The following CCDC7 variants were observed in gnomAD, a reference collection of about 807,000 sequenced individuals.
CCDC7 encodes coiled-coil domain containing 7.
A neutral mutation model predicts 196.9 loss-of-function variants in CCDC7; 183 were observed. The observed-to-expected ratio is 0.93, with a 90% CI of 0.82 to 1.05. The LOEUF (loss-of-function observed/expected upper bound fraction) is 1.05. Ranked by LOEUF, CCDC7 falls within the 50% of genes least tolerant of loss-of-function variation. The pLI, the probability that CCDC7 is intolerant of heterozygous loss-of-function variation, is 0.00. For synonymous variants in CCDC7, 525 were observed against 484.6 expected (o/e 1.08, Z -1.10); for missense variants, 1,540 against 1,482.2 (o/e 1.04, Z -0.64).
At chr10:32,821,700 C>G (rs1394711019) in intron 31 of CCDC7, among the ~76,000 whole-genome samples, 1 of 152,032 alleles carries the variant, frequency 6.6e-6, no homozygotes, top group Admixed American at 6.5e-5. Context: ...TCTCAGCAAA[C>G]TATCGCAAGG....
At chr10:32,610,357 G>T (rs1201229250) in intron 18 of CCDC7, among the ~76,000 whole-genome samples, 2 of 152,092 alleles carry the variant, frequency 1.3e-5, no homozygotes, top group Non-Finnish European at 2.9e-5. Flanking sequence ...GCCTGCCTCG[G>T]CCTCCCAAAG....
chr10:32,548,600 C>G (rs1184393674), intron 13 of CCDC7, among the ~76,000 whole-genome samples: 2 of 152,194 alleles, frequency 1.3e-5, no homozygotes, highest in African/African-American at 4.8e-5. Flanking sequence ...TTGTACTTAA[C>G]AATTTACAGG....
chr10:32,664,196 T>A (rs1479594232), intron 21 of CCDC7, 35 bp downstream of exon 22: 2 of 391,942 alleles, frequency 5.1e-6, no homozygotes, highest in Non-Finnish European at 9.0e-6. Flanking sequence ...CTTAAAATAA[T>A]TTAAGATTTA....
chr10:32,657,975 A>T (rs1269196055), intron 20 of CCDC7, among the ~76,000 whole-genome samples: 1 of 152,232 alleles, frequency 6.6e-6, no homozygotes, highest in Non-Finnish European at 1.5e-5. Flanking sequence ...AAGTATTGCA[A>T]GAGTCACCTT....
intron 31 of CCDC7, among the ~76,000 whole-genome samples, chr10:32,815,756 A>C (rs946882820): frequency 6.6e-6 from 1 of 152,344 alleles, no homozygotes; most frequent in Non-Finnish European, 1.5e-5. Context: ...GAGGAAAACA[A>C]TTCATCCCGT....
At chr10:32,691,603 C>A (rs1672844287) in intron 23 of CCDC7, among the ~76,000 whole-genome samples, 1 of 152,158 alleles carries the variant, frequency 6.6e-6, no homozygotes, top group Non-Finnish European at 1.5e-5. Context: ...TGAAACTAGA[C>A]ATCTAAATCT....
At chr10:32,797,703 G>GA (rs1184022824) in intron 29 of CCDC7, among the ~76,000 whole-genome samples, 5 of 151,812 alleles carry the variant, frequency 3.3e-5, no homozygotes, top group African/African-American at 1.2e-4. Context: ...AAACAAAAGG[G>GA]AAAAAATTTG....
At chr10:32,619,878 C>T (rs2139086805) in intron 18 of CCDC7, among the ~76,000 whole-genome samples, 1 of 146,744 alleles carries the variant, frequency 6.8e-6, no homozygotes, top group South Asian at 2.2e-4. Context: ...ATATTACAGG[C>T]ATGAGCCACT....
intron 11 of CCDC7, among the ~76,000 whole-genome samples, chr10:32,533,337 T>C (rs960497234): frequency 5.9e-5 from 9 of 151,972 alleles, no homozygotes; most frequent in Non-Finnish European, 1.3e-4. Flanking sequence ...TTTATGTATT[T>C]TATATTACCA....
At chr10:32,603,161 C>T (rs939058972) in intron 18 of CCDC7, among the ~76,000 whole-genome samples, 2 of 145,810 alleles carry the variant, frequency 1.4e-5, no homozygotes, top group Admixed American at 1.4e-4. Flanking sequence ...ATGAAATTCA[C>T]TTTTTTTTTT....
At chr10:32,680,444 A>G (rs1359030208) in intron 21 of CCDC7, among the ~76,000 whole-genome samples, 2 of 150,500 alleles carry the variant, frequency 1.3e-5, no homozygotes, top group African/African-American at 4.9e-5. Context: ...TTTTTAATTT[A>G]TTATACTTTA....
chr10:32,742,849 C>T (rs999191268), intron 28 of CCDC7, among the ~76,000 whole-genome samples: 12 of 152,108 alleles, frequency 7.9e-5, no homozygotes, highest in Non-Finnish European at 1.3e-4. Flanking sequence ...TAATTATCTC[C>T]GTGAGGGCAT....
chr10:32,577,965 A>C (rs949793270), intron 16 of CCDC7, among the ~76,000 whole-genome samples: 1 of 152,216 alleles, frequency 6.6e-6, no homozygotes, highest in African/African-American at 2.4e-5. Context: ...CATTTCATCC[A>C]AAGATGTAGG....
chr10:32,848,876 C>G (rs2093420776), intron 39 of CCDC7, among the ~76,000 whole-genome samples, 158 bp downstream of exon 40: 1 of 151,958 alleles, frequency 6.6e-6, no homozygotes, highest in African/African-American at 2.4e-5. Context: ...TTTAATTCAT[C>G]CTTTTTATTG....
chr10:32,757,171 C>T (rs919418148), intron 28 of CCDC7, among the ~76,000 whole-genome samples: 1 of 152,188 alleles, frequency 6.6e-6, no homozygotes. Context: ...TAACACCCCA[C>T]TGTCAACATT....
chr10:32,600,277 C>T (rs572637671), intron 18 of CCDC7, among the ~76,000 whole-genome samples: 9 of 147,518 alleles, frequency 6.1e-5, no homozygotes, highest in African/African-American at 1.7e-4. Context: ...AGCTCTTTTA[C>T]CTCATTTGTT....
intron 4 of CCDC7, 89 bp from the exon 6 acceptor site, chr10:32,462,928 C>G (rs958803797): frequency 1.2e-5 from 18 of 1,558,926 alleles, no homozygotes; most frequent in Non-Finnish European, 1.6e-5. Flanking sequence ...TTCAGAGACA[C>G]AGACACACAT....
intron 5 of CCDC7, among the ~76,000 whole-genome samples, chr10:32,468,933 C>G (rs939713617): frequency 4.6e-5 from 7 of 152,176 alleles, no homozygotes; most frequent in African/African-American, 1.7e-4. Context: ...CATGTGGAAA[C>G]TATTAGAGAA....
intron 5 of CCDC7, among the ~76,000 whole-genome samples, chr10:32,464,149 C>A (rs1372820230): frequency 6.6e-6 from 1 of 152,184 alleles, no homozygotes; most frequent in Non-Finnish European, 1.5e-5. Context: ...TCCTCATCTC[C>A]AAAGATCTCT....
Sources: allele counts gnomAD v4.1 joint callset (sites outside exome capture counted in the v4.1 genomes callset), GRCh38; gene constraint gnomAD v4.1.1; transcripts MANE v1.5; gene names NCBI Gene and HGNC (gene_info 2026-07-23, HGNC 2026-07-21).